BDH1: variants seen among roughly 807,000 people sequenced by gnomAD.
The protein encoded by BDH1 is 3-hydroxybutyrate dehydrogenase 1, also known as D-beta-hydroxybutyrate dehydrogenase, mitochondrial.
BDH1 carries 30 observed loss-of-function variants against 33.1 expected under a neutral mutation model. That is an observed-to-expected ratio of 0.91 (90% CI 0.68 to 1.23). The LOEUF is 1.23. Ranked by LOEUF, BDH1 falls within the 50% of genes most tolerant of loss-of-function variation. The pLI, the probability that BDH1 is intolerant of heterozygous loss-of-function variation, is 0.00. For synonymous variants in BDH1, 190 were observed against 183.6 expected (o/e 1.03, Z -0.28); for missense variants, 443 against 464.4 (o/e 0.95, Z 0.42).
At chr3:197,543,612 T>C (rs1301276474) in intron 3 of BDH1, among the ~76,000 whole-genome samples, 2 of 152,192 alleles carry the variant, frequency 1.3e-5, no homozygotes, top group Admixed American at 1.3e-4. Flanking sequence ...CAGCCACTCC[T>C]GGGAAGGTTT....
intron 5 of BDH1, among the ~76,000 whole-genome samples, chr3:197,531,303 G>T (rs1714620837): frequency 6.6e-6 from 1 of 151,796 alleles, no homozygotes; most frequent in Non-Finnish European, 1.5e-5. Flanking sequence ...GGCTGAGGCA[G>T]GGGAATCACT....
At chr3:197,570,713 G>A (rs946103518) in intron 1 of BDH1, among the ~76,000 whole-genome samples, 1 of 152,238 alleles carries the variant, frequency 6.6e-6, no homozygotes, top group Non-Finnish European at 1.5e-5. Context: ...AGATTTCAGA[G>A]GAGGTATGGA....
intron 3 of BDH1, chr3:197,534,176 A>G (rs979567715): frequency 6.6e-5 from 10 of 152,258 alleles, no homozygotes; most frequent in African/African-American, 2.4e-4. Context: ...CAATAAAAAT[A>G]CAGAAATTTC....
At chr3:197,553,118 A>G (rs1422499548) in intron 2 of BDH1, among the ~76,000 whole-genome samples, 1 of 151,594 alleles carries the variant, frequency 6.6e-6, no homozygotes, top group African/African-American at 2.4e-5. Flanking sequence ...GAGTTTCACC[A>G]TGTTGGCCCG....
At chr3:197,547,124 C>T (rs911600180) in intron 2 of BDH1, among the ~76,000 whole-genome samples, 2 of 151,970 alleles carry the variant, frequency 1.3e-5, no homozygotes, top group African/African-American at 2.4e-5. Context: ...ACACCCTCCC[C>T]GCTCCCTCAC....
intron 1 of BDH1, among the ~76,000 whole-genome samples, chr3:197,564,315 AT>A (rs35080626): frequency 2.0e-5 from 3 of 151,978 alleles, no homozygotes; most frequent in Non-Finnish European, 4.4e-5. Context: ...AAGAGGATTT[AT>A]TTTAAAAAAA....
chr3:197,528,265 AG>A lies in BDH1; in HGVS notation c.267+4146del, dbSNP rs1336444717. On this transcript the variant is annotated intron_variant, in intron 5 of 7. Transcript: ENST00000392379. This position sits in a 1 kb window ranked among gnomAD's most constrained non-coding sequence, Gnocchi z 5.1. Reference sequence around the variant, plus strand: ...AGAGCCGTGGGGAGGTAATGTACACAGGGTGTGGTGGTGTAGGTCTGTATGA... The same window carrying A: ...AGAGCCGTGGGGAGGTAATGTACACAGGTGTGGTGGTGTAGGTCTGTATGA... The A allele has an allele frequency of 6.6e-6, 1 of 152,010 alleles. No individual in the cohort carries two copies. The highest frequency in any genetic ancestry group is 2.4e-5 in the African/African-American group (1 of 41,314). 9.4% of individuals were successfully genotyped at this position (152,010 alleles called of 1,614,324 possible).
chr3:197,537,392 C>T (rs1394750199), intron 3 of BDH1, among the ~76,000 whole-genome samples: 1 of 152,166 alleles, frequency 6.6e-6, no homozygotes, highest in African/African-American at 2.4e-5. Context: ...CCCTGCTAAA[C>T]TTACTTATTA....
Position 197,533,509 on chromosome 3 carries a change from A to G in BDH1, c.136T>C (p.Tyr46His), listed in dbSNP as rs1254735269. The G allele has an allele frequency of 2.5e-6, 4 of 1,614,258 alleles. No homozygotes were observed. Among genetic ancestry groups the G allele is most frequent in the Non-Finnish European group, 3.4e-6 (4 of 1,180,040 alleles). Residue 46 changes from tyrosine to histidine, a missense_variant, in exon 4 of 8, where the codon TAT (tyrosine) becomes CAT (histidine). By Grantham distance (83) the Tyr-to-His change is moderately conservative (BLOSUM62 2). Coordinates refer to ENST00000392379, the MANE Select transcript of BDH1 (RefSeq NM_203314.3). Reference protein sequence around the residue: ...TSFIPIGRRTYASAAEPVGSK... With the variant: ...TSFIPIGRRTHASAAEPVGSK... ...CTCACCGGCTCCGCCGCACTGGCAT[A>G]AGTCCGACGGCCAATCGGGATAAAG... is the stretch of plus-strand genomic sequence containing the variant.
At chr3:197,536,239 G>A (rs965005998) in intron 3 of BDH1, among the ~76,000 whole-genome samples, 1 of 151,984 alleles carries the variant, frequency 6.6e-6, no homozygotes, top group Non-Finnish European at 1.5e-5. Context: ...TATTTGGGTG[G>A]GCCTATTTCT....
At chr3:197,552,002 G>A (rs773417268) in intron 2 of BDH1, among the ~76,000 whole-genome samples, 8 of 152,128 alleles carry the variant, frequency 5.3e-5, no homozygotes, top group Admixed American at 1.3e-4. Context: ...CTTTAAATAC[G>A]ATTCACATGC....
rs915557370 is a variant in BDH1 at position 197,511,025 on chromosome 3, G to A, written c.*870C>T. 3 of 152,154 alleles carry A rather than the reference G, an allele frequency of 2.0e-5. No individual in the cohort carries two copies. Among genetic ancestry groups the A allele is most frequent in the African/African-American group, 7.2e-5 (3 of 41,392 alleles). 9.4% of individuals were successfully genotyped at this position (152,154 alleles called of 1,614,324 possible). Reference sequence around the variant, plus strand: ...GCGGATCACTTGAAGTCGGGAGTTCGGGACCAGCCTAGCCAACATGGTGAA... The same window carrying A: ...GCGGATCACTTGAAGTCGGGAGTTCAGGACCAGCCTAGCCAACATGGTGAA... On this transcript the variant is annotated 3_prime_UTR_variant, in exon 8 of 8. Transcript: ENST00000392379.
intron 1 of BDH1, among the ~76,000 whole-genome samples, chr3:197,564,384 T>C (rs1717365372): frequency 6.7e-6 from 1 of 150,312 alleles, no homozygotes; most frequent in African/African-American, 2.5e-5. Flanking sequence ...GGGAAAAAAC[T>C]GAGATTAAAT....
rs1711834585 is a variant in BDH1 at position 197,510,602 on chromosome 3, GTGTGT to G, written c.*1288_*1292del. 5.8e-5 allele frequency: 1 copy of G among 17,130 alleles called. No individual in the cohort carries two copies. The highest frequency in any genetic ancestry group is 4.8e-4 in the Admixed American group (1 of 2,082). 1.1% of individuals were successfully genotyped at this position (17,130 alleles called of 1,614,324 possible). On this transcript the variant is annotated 3_prime_UTR_variant, in exon 8 of 8. Coordinates refer to ENST00000392379, the MANE Select transcript of BDH1 (RefSeq NM_203314.3). ...CGCTGAAGCCCTGCAGAACAGGGGT[GTGTGT>G]GTGTGTGTGTGTGTGTGTGTGTGTG...
At chr3:197,550,692 C>T (rs544204805) in intron 2 of BDH1, among the ~76,000 whole-genome samples, 3 of 151,474 alleles carry the variant, frequency 2.0e-5, no homozygotes, top group Non-Finnish European at 2.9e-5. Flanking sequence ...GGGAGAAAGC[C>T]GATCTGCAGG....
In BDH1 at chr3:197,512,322, T is replaced by C. The variant is rs927563864; in HGVS notation, c.605A>G (p.Asn202Ser). 1 of 1,610,914 alleles carries C rather than the reference T, an allele frequency of 6.2e-7. No individual in the cohort carries two copies. Among genetic ancestry groups the C allele is most frequent in the Non-Finnish European group, 8.5e-7 (1 of 1,179,922 alleles). The change falls in exon 8 of 8, where the codon AAC (asparagine) becomes AGC (serine). Residue 202 changes from asparagine to serine, a missense_variant. Physicochemically the swap from Asn to Ser is conservative, Grantham distance 46. Coordinates refer to ENST00000392379, the MANE Select transcript of BDH1 (RefSeq NM_203314.3). ...NISSMLGRMA[N>S]PARSPYCITK... ...GATGCAGTACGGGGAGCGGGCCGGG[T>C]TGGCCATGCGGCCCAGCATGCTGCT...
chr3:197,546,288 C>T (rs369942759), intron 3 of BDH1, 73 bp downstream of exon 3: 23 of 1,452,756 alleles, frequency 1.6e-5, no homozygotes, highest in Middle Eastern at 2.2e-4. Context: ...ACCGCCTACA[C>T]TGTCCATGTG....
At chr3:197,535,650 A>G (rs970790113) in intron 3 of BDH1, among the ~76,000 whole-genome samples, 1 of 152,100 alleles carries the variant, frequency 6.6e-6, no homozygotes, top group Non-Finnish European at 1.5e-5. Flanking sequence ...CCCCTAAATA[A>G]AGTCTAGTAT....
At chr3:197,542,223 C>T (rs1263564650) in intron 3 of BDH1, among the ~76,000 whole-genome samples, 1 of 152,214 alleles carries the variant, frequency 6.6e-6, no homozygotes, top group African/African-American at 2.4e-5. Flanking sequence ...GGAGCCTGGG[C>T]TCCCCAAAGC....
Sources: allele counts gnomAD v4.1 joint callset (sites outside exome capture counted in the v4.1 genomes callset), GRCh38; gene constraint gnomAD v4.1.1; non-coding constraint Gnocchi (gnomAD v3.1); transcripts MANE v1.5; gene names NCBI Gene and HGNC (gene_info 2026-07-23, HGNC 2026-07-21).